The following LMCD1 variants were observed in gnomAD, a reference collection of about 807,000 sequenced individuals.
LMCD1 encodes LIM and cysteine rich domains 1, also known as LIM and cysteine-rich domains protein 1.
In LMCD1, 32 loss-of-function variants were observed where a neutral mutation model predicts 42.7. The observed-to-expected ratio is 0.75, with a 90% CI of 0.57 to 1.01. LMCD1 has a LOEUF of 1.01. LMCD1 is among the 50% of genes least tolerant of loss of function. LMCD1 has a pLI of 0.00. For missense variants in LMCD1, 458 were observed against 483.1 expected (o/e 0.95, Z 0.49); for synonymous variants, 178 against 184.9 (o/e 0.96, Z 0.30).
Position 8,526,814 on chromosome 3 carries a change from C to T in LMCD1, c.43-5923C>T, listed in dbSNP as rs531264054. On this transcript the variant is annotated intron_variant, in intron 1 of 5. Transcript: ENST00000157600. ...GCCTGGAAAACCACAAATCCTAGTA[C>T]TTGTTACAGCTACTATTGTTACTTT... 2.0e-3 allele frequency among the ~76,000 whole-genome samples: 312 copies of T among 152,306 alleles called. 1 individual carries two copies. Among genetic ancestry groups the T allele is most frequent in the African/African-American group, 6.9e-3 (286 of 41,556 alleles).
rs771744784 is a variant in LMCD1 at position 8,501,890 on chromosome 3, C to A, written c.-49C>A. 7 of 1,555,620 alleles carry A rather than the reference C, an allele frequency of 4.5e-6. No individual in the cohort carries two copies. Among genetic ancestry groups the A allele is most frequent in the African/African-American group, 1.4e-5 (1 of 70,898 alleles). On this transcript the variant is annotated 5_prime_UTR_variant, in exon 1 of 6. Coordinates refer to ENST00000157600, the MANE Select transcript of LMCD1 (RefSeq NM_014583.4). The stretch of plus-strand genomic sequence containing the variant: ...CGCCGCTGTCCCCGCTGCGCGCCCT[C>A]GCGCCTCTGCCTGAGAAGCCAGGCG...
At chr3:8,550,577 G>T in intron 4 of LMCD1, 1 of 985,214 alleles carries the variant, frequency 1.0e-6, no homozygotes. Flanking sequence ...TTTTATCTGA[G>T]AACTCTAAGA....
intron 4 of LMCD1, among the ~76,000 whole-genome samples, chr3:8,560,575 G>A (rs1255642562): frequency 6.6e-6 from 1 of 152,208 alleles, no homozygotes; most frequent in Non-Finnish European, 1.5e-5. Context: ...CTTTTGTGTG[G>A]GAGGGAAAGA....
intron 3 of LMCD1, 147 bp downstream of exon 3, chr3:8,537,587 A>G: frequency 2.4e-6 from 2 of 824,068 alleles, no homozygotes; most frequent in Non-Finnish European, 3.7e-6. Flanking sequence ...CCCTGCCCTT[A>G]TATCATGTGA....
chr3:8,543,542 G>C (rs1221798977), intron 3 of LMCD1, among the ~76,000 whole-genome samples: 1 of 152,184 alleles, frequency 6.6e-6, no homozygotes, highest in East Asian at 1.9e-4. Flanking sequence ...GACTGCAGTG[G>C]TGTGATCACA....
In LMCD1 at chr3:8,573,001, T is replaced by C. The variant is rs1464765749; in HGVS notation, c.*5403T>C. The C allele has an allele frequency of 6.6e-6, 1 of 152,218 alleles. No individual in the cohort carries two copies. Among genetic ancestry groups the C allele is most frequent in the Non-Finnish European group, 1.5e-5 (1 of 68,042 alleles). The allele number at this position is 152,218 out of a possible 1,614,324, so 9.4% of individuals were successfully genotyped here. On this transcript the variant is annotated 3_prime_UTR_variant, in exon 6 of 6. Transcript: ENST00000157600. ...TGCTTAGAGTTAAACAGAGCCCAGG[T>C]ACTAAGTTATGTCATGGAGACAGTG...
intron 1 of LMCD1, among the ~76,000 whole-genome samples, chr3:8,522,108 A>C (rs1400523351): frequency 1.3e-5 from 2 of 152,186 alleles, no homozygotes; most frequent in Non-Finnish European, 2.9e-5. Flanking sequence ...GGGGGGAGGC[A>C]GGAGCAAGGT....
intron 1 of LMCD1, among the ~76,000 whole-genome samples, chr3:8,518,111 A>G (rs1181703855): frequency 1.3e-5 from 2 of 152,086 alleles, no homozygotes; most frequent in African/African-American, 4.8e-5. Flanking sequence ...CACAGGTAGT[A>G]AAAATGTAGC....
chr3:8,518,368 G>A (rs7616573), intron 1 of LMCD1, among the ~76,000 whole-genome samples: 66,432 of 152,068 alleles, frequency 0.44, 15,311 homozygotes, highest in Non-Finnish European at 0.51. Context: ...AGAGCAGTCT[G>A]ATTTTCTCTC....
At chr3:8,540,065 G>A (rs1186780139) in intron 3 of LMCD1, among the ~76,000 whole-genome samples, 1 of 151,600 alleles carries the variant, frequency 6.6e-6, no homozygotes, top group African/African-American at 2.4e-5. Context: ...AAAAGGATGA[G>A]TTCATATCCT....
chr3:8,528,761 AT>A (rs929032792), intron 1 of LMCD1, among the ~76,000 whole-genome samples: 213 of 151,760 alleles, frequency 1.4e-3, no homozygotes, highest in African/African-American at 4.5e-3. Flanking sequence ...TCTTGGTGAC[AT>A]TTTTTTTCCC....
At position 8,567,679 on chromosome 3, in the gene LMCD1, C is replaced by T. The variant is rs192758046; in HGVS notation, c.*81C>T. On this transcript the variant is annotated 3_prime_UTR_variant, in exon 6 of 6. Transcript: ENST00000157600. ...GTGTGCCGAGACCATCCTAAGGGTC[C>T]GATGTGACAGCAAGCAAGTGAAATA... 4,412 of 1,366,556 alleles carry T rather than the reference C, an allele frequency of 3.2e-3. 8 individuals carry two copies. The highest frequency in any genetic ancestry group is 3.9e-3 in the Non-Finnish European group (3,906 of 998,250). The allele number at this position is 1,366,556 out of a possible 1,614,324, so 84.7% of individuals were successfully genotyped here. A position where few individuals can be genotyped will look rare whatever the true frequency, so the allele number is the denominator to read the frequency against.
chr3:8,570,967 A>G lies in LMCD1; in HGVS notation c.*3369A>G, dbSNP rs1695204155. Reference sequence around the variant, plus strand: ...CCTGCAATTCCCCACACTGTGTTTAATTGCTGCCTCTGCTGGGGGGCTGCA... The same window carrying G: ...CCTGCAATTCCCCACACTGTGTTTAGTTGCTGCCTCTGCTGGGGGGCTGCA... On this transcript the variant is annotated 3_prime_UTR_variant, in exon 6 of 6. Transcript: ENST00000157600. 6.6e-6 allele frequency: 1 copy of G among 152,050 alleles called. No homozygotes were observed. The highest frequency in any genetic ancestry group is 1.5e-5 in the Non-Finnish European group (1 of 68,034). 9.4% of individuals were successfully genotyped at this position (152,050 alleles called of 1,614,324 possible). A position where few individuals can be genotyped will look rare whatever the true frequency, so the allele number is the denominator to read the frequency against.
intron 3 of LMCD1, among the ~76,000 whole-genome samples, chr3:8,540,956 C>T (rs762242346): frequency 1.3e-5 from 2 of 152,120 alleles, no homozygotes; most frequent in Non-Finnish European, 2.9e-5. Flanking sequence ...TTCTTATCGG[C>T]CCTCAGGATC....
chr3:8,554,088 AG>A, intron 4 of LMCD1, among the ~76,000 whole-genome samples: 1 of 152,260 alleles, frequency 6.6e-6, no homozygotes, highest in Middle Eastern at 3.4e-3. Flanking sequence ...TCTCTCACCC[AG>A]GCTGGAGTGC....
chr3:8,504,071 G>A, intron 1 of LMCD1, among the ~76,000 whole-genome samples: 1 of 152,160 alleles, frequency 6.6e-6, no homozygotes, highest in Admixed American at 6.5e-5. Flanking sequence ...TCCAATTACA[G>A]GCTTAGAGAA....
chr3:8,550,752 G>A, intron 4 of LMCD1: 1 of 985,066 alleles, frequency 1.0e-6, no homozygotes. Flanking sequence ...CCTGATCCTG[G>A]CTTCTGTCCA....
At chr3:8,557,522 A>G (rs1459150253) in intron 4 of LMCD1, among the ~76,000 whole-genome samples, 1 of 152,130 alleles carries the variant, frequency 6.6e-6, no homozygotes, top group Non-Finnish European at 1.5e-5. Context: ...CAAACCCGAG[A>G]CAGAGATTAT....
chr3:8,516,880 C>T (rs182700145), intron 1 of LMCD1, among the ~76,000 whole-genome samples: 310 of 152,308 alleles, frequency 2.0e-3, no homozygotes, highest in Non-Finnish European at 3.3e-3. Flanking sequence ...TCAACCATGT[C>T]GTACCTTTGA....
Sources: gnomAD v4.1 joint callset for allele counts (sites outside exome capture counted in the v4.1 genomes callset) on GRCh38, gnomAD v4.1.1 for gene constraint, MANE v1.5 for transcripts, NCBI Gene and HGNC (gene_info 2026-07-23, HGNC 2026-07-21) for gene names.